The following MRPS6 variants were observed in gnomAD, a reference collection of about 807,000 sequenced individuals.
MRPS6 encodes mitochondrial ribosomal protein S6.
Under a neutral mutation model 13.1 loss-of-function variants are expected in MRPS6, and 6 were observed. The ratio of observed to expected loss-of-function variants is 0.46; its 90% CI spans 0.25 to 0.91. The LOEUF is 0.91. Ranked by LOEUF, MRPS6 falls within the 40% of genes least tolerant of loss-of-function variation. MRPS6 has a pLI of 0.18. For synonymous variants in MRPS6, 61 were observed against 56.5 expected, an observed-to-expected ratio of 1.08 and a Z score of -0.36; for missense variants, 164 against 155.6, an observed-to-expected ratio of 1.05 and a Z score of -0.29.
intron 2 of MRPS6, among the ~76,000 whole-genome samples, chr21:34,126,793 T>C (rs1980321093): frequency 6.6e-6 from 1 of 152,206 alleles, no homozygotes; most frequent in Non-Finnish European, 1.5e-5. Context: ...CTGCCCTTTT[T>C]TCAAGTAGAG....
chr21:34,108,090 T>C lies in MRPS6; in HGVS notation c.46-17251T>C, dbSNP rs1569420467. On this transcript the variant is annotated intron_variant, in intron 1 of 2. Coordinates refer to ENST00000399312, the MANE Select transcript of MRPS6 (RefSeq NM_032476.4). ...AAAAGTTTCTGTAGCCTAGTGATCT[T>C]GTAACGTACCGTAACACGTTACTCC... 2.6e-5 allele frequency among the ~76,000 whole-genome samples: 4 copies of C among 152,198 alleles called. No homozygotes were observed. The South Asian group carries it at 8.3e-4, about 32-fold the overall frequency.
At chr21:34,106,643 A>AT (rs1208987180) in intron 1 of MRPS6, among the ~76,000 whole-genome samples, 2 of 152,138 alleles carry the variant, frequency 1.3e-5, no homozygotes, top group African/African-American at 2.4e-5. Flanking sequence ...AAGCATAAAT[A>AT]TTTTTTCTGA....
intron 1 of MRPS6, among the ~76,000 whole-genome samples, chr21:34,091,797 C>T (rs1978707576): frequency 6.6e-6 from 1 of 152,214 alleles, no homozygotes; most frequent in Non-Finnish European, 1.5e-5. Context: ...TAAATCTGCT[C>T]ATCACCACTA....
At chr21:34,074,762 G>A (rs16991163) in intron 1 of MRPS6, among the ~76,000 whole-genome samples, 3,246 of 152,342 alleles carry the variant, frequency 0.021, 127 homozygotes, top group African/African-American at 0.073. Flanking sequence ...CGCTAGAGGA[G>A]TGGACGCATT....
At chr21:34,077,493 A>G (rs575689944) in intron 1 of MRPS6, among the ~76,000 whole-genome samples, 251 of 152,348 alleles carry the variant, frequency 1.6e-3, no homozygotes, top group Non-Finnish European at 2.8e-3. Context: ...GAATTTTTAC[A>G]TGAAGAATTA....
intron 1 of MRPS6, among the ~76,000 whole-genome samples, chr21:34,088,630 A>G (rs1978519326): frequency 1.3e-5 from 2 of 152,342 alleles, no homozygotes; most frequent in African/African-American, 2.4e-5. Context: ...CACTGAAGGT[A>G]GTATTGCATA....
intron 1 of MRPS6, among the ~76,000 whole-genome samples, chr21:34,110,297 C>G (rs979300874): frequency 6.6e-6 from 1 of 152,096 alleles, no homozygotes; most frequent in African/African-American, 2.4e-5. Context: ...AACCCCATAT[C>G]TACAAAATAC....
intron 1 of MRPS6, among the ~76,000 whole-genome samples, chr21:34,110,800 ATTG>A (rs1322281175): frequency 6.6e-6 from 1 of 152,176 alleles, no homozygotes; most frequent in African/African-American, 2.4e-5. Context: ...ATAGTTACTA[ATTG>A]TTGATAACAT....
chr21:34,118,965 C>T (rs1980026402), intron 1 of MRPS6, among the ~76,000 whole-genome samples: 1 of 152,202 alleles, frequency 6.6e-6, no homozygotes, highest in Non-Finnish European at 1.5e-5. Flanking sequence ...ACTTCAGGTT[C>T]AGGCCTGTAG....
chr21:34,080,279 TTC>T (rs1267097795), intron 1 of MRPS6, among the ~76,000 whole-genome samples: 1 of 152,228 alleles, frequency 6.6e-6, no homozygotes. Flanking sequence ...TACTGCATAC[TTC>T]TCATTTTCAA....
chr21:34,111,022 TAGAC>T (rs1217872707), intron 1 of MRPS6, among the ~76,000 whole-genome samples: 2 of 152,074 alleles, frequency 1.3e-5, no homozygotes, highest in African/African-American at 2.4e-5. Flanking sequence ...TGGTACTAAA[TAGAC>T]AGCCAAAGGA....
chr21:34,104,358 C>G, intron 1 of MRPS6: 1 of 1,000,128 alleles, frequency 1.0e-6, no homozygotes, highest in Non-Finnish European at 1.2e-6. Context: ...CAGCATTGCC[C>G]TTTTCCACCT....
chr21:34,079,567 C>T (rs769887033), intron 1 of MRPS6, among the ~76,000 whole-genome samples: 2 of 144,204 alleles, frequency 1.4e-5, no homozygotes, highest in Non-Finnish European at 3.0e-5. Context: ...TCCCAAGTAG[C>T]TGGGATTACA....
rs566738766 is a variant in MRPS6, at chr21:34,083,118, C to T, written c.45+9373C>T. On this transcript the variant is annotated intron_variant, in intron 1 of 2. Coordinates refer to ENST00000399312, the MANE Select transcript of MRPS6 (RefSeq NM_032476.4). ...TAAAAGTTTCTCTGTAACACCTACC[C>T]TGGAGTGGTTAAGTGCTTTAATTTT... is the stretch of plus-strand genomic sequence containing the variant. Among the ~76,000 whole-genome samples, 8 of 152,288 alleles carry T rather than the reference C, an allele frequency of 5.3e-5. No individual in the cohort carries two copies. The South Asian group carries it at 1.7e-3, about 32-fold the overall frequency.
Position 34,073,989 on chromosome 21 carries a change from G to A in MRPS6, c.45+244G>A, listed in dbSNP as rs573846668. Among the ~76,000 whole-genome samples the A allele has an allele frequency of 3.9e-3, 569 of 146,250 alleles. 2 individuals are homozygous for A. The highest frequency in any genetic ancestry group is 0.013 in the African/African-American group (532 of 40,818). On this transcript the variant is annotated intron_variant, in intron 1 of 2. Coordinates refer to ENST00000399312, the MANE Select transcript of MRPS6 (RefSeq NM_032476.4). ...GCGTGTGCGCGGTCCGGGAGGGTGT[G>A]CCTCGCAAGCGGCCCGCCGGGCGGG...
intron 1 of MRPS6, among the ~76,000 whole-genome samples, chr21:34,080,886 C>T (rs532154753): frequency 6.6e-6 from 1 of 152,320 alleles, no homozygotes; most frequent in Admixed American, 6.5e-5. Flanking sequence ...CAAGTCAGTG[C>T]ACTTCGCTCA....
At chr21:34,138,047 C>T (rs958769118) in intron 2 of MRPS6, among the ~76,000 whole-genome samples, 2 of 151,006 alleles carry the variant, frequency 1.3e-5, no homozygotes, top group Non-Finnish European at 2.9e-5. Context: ...GAGGGACATT[C>T]ATCTGATTTC....
intron 1 of MRPS6, among the ~76,000 whole-genome samples, chr21:34,075,611 C>T (rs1013915680): frequency 6.6e-6 from 1 of 152,014 alleles, no homozygotes. Context: ...GAAAGAGGCC[C>T]CATGGCAGTA....
intron 1 of MRPS6, among the ~76,000 whole-genome samples, chr21:34,106,599 T>C (rs1979486152): frequency 6.6e-6 from 1 of 152,260 alleles, no homozygotes; most frequent in Non-Finnish European, 1.5e-5. Context: ...GGGATTAACA[T>C]ACTGCCTGCC....
Sources: gnomAD v4.1 joint callset for allele counts (sites outside exome capture counted in the v4.1 genomes callset) on GRCh38, gnomAD v4.1.1 for gene constraint, MANE v1.5 for transcripts, NCBI Gene and HGNC (gene_info 2026-07-23, HGNC 2026-07-21) for gene names.